The following OXSR1 variants were observed in gnomAD, a reference collection of about 807,000 sequenced individuals.
OXSR1 encodes oxidative stress responsive kinase 1.
In OXSR1, 24 loss-of-function variants were observed where a neutral mutation model predicts 79.8. That is an observed-to-expected ratio of 0.30 (90% CI 0.22 to 0.42). The LOEUF is 0.42. OXSR1 is among the 10% of genes least tolerant of loss of function. OXSR1 has a pLI of 1.00. For synonymous variants in OXSR1, 226 were observed against 209.2 expected (o/e 1.08, Z -0.69); for missense variants, 430 against 618.4 (o/e 0.70, Z 3.23).
intron 10 of OXSR1, among the ~76,000 whole-genome samples, chr3:38,234,885 G>A (rs1307120586): frequency 6.6e-6 from 1 of 152,206 alleles, no homozygotes; most frequent in Non-Finnish European, 1.5e-5. Context: ...TATTCATGCA[G>A]TAGAATATTA....
intron 1 of OXSR1, among the ~76,000 whole-genome samples, chr3:38,171,689 G>A (rs979002403): frequency 2.0e-5 from 3 of 148,802 alleles, no homozygotes; most frequent in Admixed American, 1.3e-4. Flanking sequence ...TTAAAGAATT[G>A]TATCACCTTA....
At chr3:38,166,375 G>A (rs1701457184) in intron 1 of OXSR1, among the ~76,000 whole-genome samples, 1 of 152,122 alleles carries the variant, frequency 6.6e-6, no homozygotes, top group Non-Finnish European at 1.5e-5. Flanking sequence ...CATCCGTGCT[G>A]GGGCGAACTG....
At chr3:38,175,490 G>A (rs960544992) in intron 1 of OXSR1, among the ~76,000 whole-genome samples, 3 of 152,044 alleles carry the variant, frequency 2.0e-5, no homozygotes, top group Admixed American at 1.3e-4. Context: ...TTGTAGAGAC[G>A]GGGTTTTACT....
Position 38,178,618 on chromosome 3 carries a change from ATATTTTTTTTTT to A in OXSR1, c.71-4383_71-4372del, listed in dbSNP as rs1431157606. The stretch of plus-strand genomic sequence containing the variant: ...CATATCCAGCTATATATATATATAT[ATATTTTTTTTTT>A]TTTTTTTTTTTCTTTTTTTGTATTT... On this transcript the variant is annotated intron_variant, in intron 1 of 17. Transcript: ENST00000311806. 2.0e-3 allele frequency among the ~76,000 whole-genome samples: 172 copies of A among 86,728 alleles called. 2 individuals carry two copies. Among genetic ancestry groups the A allele is most frequent in the African/African-American group, 7.1e-3 (134 of 18,824 alleles). 56.9% of individuals were successfully genotyped at this position (86,728 alleles called of 152,430 possible). A position where few individuals can be genotyped will look rare whatever the true frequency, so the allele number is the denominator to read the frequency against.
At chr3:38,193,983 C>T (rs1454773185) in intron 3 of OXSR1, among the ~76,000 whole-genome samples, 4 of 151,966 alleles carry the variant, frequency 2.6e-5, no homozygotes, top group African/African-American at 4.8e-5. Flanking sequence ...AAACGTTAGG[C>T]AACATTTAGA....
At chr3:38,189,668 G>A (rs2125813446) in intron 2 of OXSR1, among the ~76,000 whole-genome samples, 1 of 152,332 alleles carries the variant, frequency 6.6e-6, no homozygotes, top group South Asian at 2.1e-4. Flanking sequence ...AAGTGCTGTA[G>A]TATTTCATTC....
At chr3:38,248,302 A>G (rs562252180) in intron 14 of OXSR1, among the ~76,000 whole-genome samples, 23 of 152,198 alleles carry the variant, frequency 1.5e-4, no homozygotes, top group African/African-American at 5.5e-4. Context: ...AGGAAGTGCC[A>G]TAGGTAGCAG....
At chr3:38,195,494 T>G (rs1702058248) in intron 3 of OXSR1, among the ~76,000 whole-genome samples, 1 of 152,246 alleles carries the variant, frequency 6.6e-6, no homozygotes, top group African/African-American at 2.4e-5. Flanking sequence ...AAGCAAATTT[T>G]GGCCTCTTTG....
At position 38,232,176 on chromosome 3, in the gene OXSR1, G is replaced by C. The variant is rs114708812; in HGVS notation, c.951+1746G>C. On this transcript the variant is annotated intron_variant, in intron 10 of 17. Transcript: ENST00000311806. The stretch of plus-strand genomic sequence containing the variant: ...ACTCACGCTTGTAATCCCAGCACCT[G>C]TGGGAGGCTGAGGTGGGAGGATAGC... 9.5e-3 allele frequency among the ~76,000 whole-genome samples: 1,443 copies of C among 151,942 alleles called. 25 individuals are homozygous for C. The highest frequency in any genetic ancestry group is 0.034 in the African/African-American group (1,392 of 41,454).
chr3:38,191,288 A>ATG (rs1394508019), intron 3 of OXSR1, among the ~76,000 whole-genome samples: 3 of 151,352 alleles, frequency 2.0e-5, no homozygotes, highest in Non-Finnish European at 4.4e-5. Flanking sequence ...TCATGTCTTA[A>ATG]CTCCTGTCTT....
intron 10 of OXSR1, 188 bp downstream of exon 10, chr3:38,230,618 T>C (rs1490598551): frequency 2.1e-5 from 11 of 523,002 alleles, no homozygotes; most frequent in Non-Finnish European, 3.9e-5. Context: ...GGTATTACTC[T>C]GCTATCTTTT....
At chr3:38,239,821 G>A (rs1702992480) in intron 11 of OXSR1, among the ~76,000 whole-genome samples, 1 of 152,100 alleles carries the variant, frequency 6.6e-6, no homozygotes, top group African/African-American at 2.4e-5. Flanking sequence ...CTCAACTCAG[G>A]CAGTTCCTTG....
rs1702591988 is a variant in OXSR1, at chr3:38,221,592, G to A, written c.505G>A (p.Ala169Thr). ...TTCTATTTCAGACTTTGGGGTTAGT[G>A]CTTTTTTAGCAACTGGTGGTGATAT... ...SVQIADFGVS[A>T]FLATGGDITR... The change falls in exon 6 of 18, where the codon GCT becomes ACT. Residue 169 changes from alanine (A) to threonine (T), a missense_variant. By Grantham distance (58) the Ala-to-Thr change is moderately conservative. Transcript: ENST00000311806. The A allele has an allele frequency of 6.2e-7, 1 of 1,609,892 alleles. No individual in the cohort carries two copies.
intron 1 of OXSR1, among the ~76,000 whole-genome samples, chr3:38,176,706 T>C (rs1011208233): frequency 3.3e-5 from 5 of 152,248 alleles, no homozygotes; most frequent in Non-Finnish European, 7.3e-5. Flanking sequence ...GAGCATAATA[T>C]CTTGCTCATG....
intron 14 of OXSR1, 38 bp from the exon 15 acceptor site, chr3:38,249,928 A>G (rs757508107): frequency 3.5e-5 from 44 of 1,239,970 alleles, no homozygotes; most frequent in Non-Finnish European, 1.1e-5. Flanking sequence ...GCATAAATTT[A>G]GAAATTCTTA....
At chr3:38,234,918 G>A (rs1406422551) in intron 10 of OXSR1, among the ~76,000 whole-genome samples, 3 of 152,222 alleles carry the variant, frequency 2.0e-5, no homozygotes, top group Admixed American at 6.5e-5. Context: ...AAGGAATGAA[G>A]TACTGATACA....
Position 38,220,176 on chromosome 3 carries a change from A to G in OXSR1, c.491-1402A>G, listed in dbSNP as rs557815421. On this transcript the variant is annotated intron_variant, in intron 5 of 17. Coordinates refer to ENST00000311806, the MANE Select transcript of OXSR1 (RefSeq NM_005109.3). The stretch of plus-strand genomic sequence containing the variant: ...ACAAGATTATTGTTTTTAAAACTGT[A>G]CTATATAGACTTGCTATTTTTAAAC... Among the ~76,000 whole-genome samples, 6 of 152,066 alleles carry G rather than the reference A, an allele frequency of 3.9e-5. No homozygotes were observed. In the East Asian group the frequency reaches 5.8e-4, roughly 15 times the overall value.
Position 38,221,653 on chromosome 3 carries a change from C to G in OXSR1, c.566C>G (p.Thr189Ser), listed in dbSNP as rs998513186. ...AAAGTGAGAAAGACCTTTGTTGGCA[C>G]CCCTTGTTGGATGGCACCTGAAGTT... ...RNKVRKTFVGTPCWMAPEVME... is the reference protein window; with the variant it reads ...RNKVRKTFVGSPCWMAPEVME... Residue 189 changes from threonine (T) to serine (S), a missense_variant, in exon 6 of 18, where the codon ACC becomes AGC. Thr to Ser is a moderately conservative substitution (Grantham distance 58, BLOSUM62 1). Coordinates refer to ENST00000311806, the MANE Select transcript of OXSR1 (RefSeq NM_005109.3). The G allele has an allele frequency of 1.9e-6, 3 of 1,611,690 alleles. No homozygotes were observed. The African/African-American group carries it at 4.0e-5, about 22-fold the overall frequency.
intron 3 of OXSR1, 140 bp downstream of exon 3, chr3:38,190,979 C>G: frequency 1.5e-6 from 1 of 647,406 alleles, no homozygotes; most frequent in Non-Finnish European, 2.8e-6. Context: ...GCTGAAGATG[C>G]TAATCTATGA....
Sources: gnomAD v4.1 joint callset for allele counts (sites outside exome capture counted in the v4.1 genomes callset) on GRCh38, gnomAD v4.1.1 for gene constraint, MANE v1.5 for transcripts, NCBI Gene and HGNC (gene_info 2026-07-23, HGNC 2026-07-21) for gene names.